Variants in YAF2 observed in about 807,000 individuals in gnomAD.
The protein encoded by YAF2 is YY1-associated factor 2.
YAF2 carries 7 observed loss-of-function variants against 20.1 expected under a neutral mutation model. The observed-to-expected ratio is 0.35, with a 90% confidence interval of 0.20 to 0.65. YAF2 has a LOEUF of 0.65. Among genes scored for constraint, YAF2 ranks in the 30% least tolerant of loss-of-function variants. YAF2 has a pLI of 0.69. For synonymous variants in YAF2, 74 were observed against 76.0 expected (o/e 0.97, Z 0.14); for missense variants, 151 against 219.2 (o/e 0.69, Z 1.96).
Position 42,166,829 on chromosome 12 carries a change from T to TA in YAF2, c.153-5065dup, listed in dbSNP as rs377527943. ...ATTCTCAAATGTGTTCAATGAAAGT[T>TA]AAAAAAAAAAAAAAGGAGGGCAAAG... On this transcript the variant is annotated intron_variant, in intron 2 of 3. Coordinates refer to ENST00000534854, the MANE Select transcript of YAF2 (RefSeq NM_005748.6). Among the ~76,000 whole-genome samples the TA allele has an allele frequency of 6.5e-3, 896 of 137,866 alleles. 4 individuals are homozygous for TA. The highest frequency in any genetic ancestry group is 0.019 in the African/African-American group (737 of 37,846). 90.4% of individuals were successfully genotyped at this position (137,866 alleles called of 152,430 possible). A position where few individuals can be genotyped will look rare whatever the true frequency, so the allele number is the denominator to read the frequency against.
intron 2 of YAF2, among the ~76,000 whole-genome samples, chr12:42,170,215 AAT>A (rs2066012629): frequency 6.6e-6 from 1 of 152,036 alleles, no homozygotes. Context: ...ATTACACCAT[AAT>A]TGTAGGTATG....
At chr12:42,237,933 G>C in intron 1 of YAF2, 1 of 441,176 alleles carries the variant, frequency 2.3e-6, no homozygotes, top group Non-Finnish European at 3.1e-6. Flanking sequence ...CGCCGCCACA[G>C]CCGCTCTGAC....
intron 2 of YAF2, among the ~76,000 whole-genome samples, chr12:42,224,093 GCA>G (rs1416046106): frequency 6.6e-6 from 1 of 152,036 alleles, no homozygotes; most frequent in African/African-American, 2.4e-5. Flanking sequence ...TTTCATATAA[GCA>G]CAGCCTTCTC....
chr12:42,171,113 C>T (rs2066036398), intron 2 of YAF2, among the ~76,000 whole-genome samples: 1 of 152,260 alleles, frequency 6.6e-6, no homozygotes, highest in African/African-American at 2.4e-5. Context: ...CTGCCTCAGC[C>T]TCCCAAGTAG....
rs2065774641 is a variant in YAF2, at chr12:42,160,486, T to C, written c.*103A>G. The C allele has an allele frequency of 2.4e-6, 2 of 838,498 alleles. No homozygotes were observed. The highest frequency in any genetic ancestry group is 3.7e-6 in the Non-Finnish European group (2 of 533,488). The allele number at this position is 838,498 out of a possible 1,614,324, so 51.9% of individuals were successfully genotyped here. On this transcript the variant is annotated 3_prime_UTR_variant, in exon 4 of 4. Transcript: ENST00000534854. Reference sequence around the variant, plus strand: ...TTTTATGTAAAACTCAAATTATGGATTGTGCATGAATGTATCTGTCATGAA... The same window carrying C: ...TTTTATGTAAAACTCAAATTATGGACTGTGCATGAATGTATCTGTCATGAA...
At chr12:42,165,378 A>T (rs1219659566) in intron 2 of YAF2, among the ~76,000 whole-genome samples, 1 of 152,208 alleles carries the variant, frequency 6.6e-6, no homozygotes, top group African/African-American at 2.4e-5. Flanking sequence ...TTAAGACTTT[A>T]AAAGAGAGTA....
chr12:42,231,372 T>C (rs2137416156), intron 2 of YAF2: 1 of 152,336 alleles, frequency 6.6e-6, no homozygotes, highest in South Asian at 2.1e-4. Flanking sequence ...ATTCAATTTG[T>C]TGCAATATGT....
intron 2 of YAF2, among the ~76,000 whole-genome samples, chr12:42,181,671 GT>G (rs2137050451): frequency 6.6e-6 from 1 of 152,240 alleles, no homozygotes; most frequent in East Asian, 1.9e-4. Flanking sequence ...CATAAAAATT[GT>G]TTTAACTCAT....
At chr12:42,202,918 T>A (rs1293144585) in intron 2 of YAF2, among the ~76,000 whole-genome samples, 3 of 152,150 alleles carry the variant, frequency 2.0e-5, no homozygotes, top group Non-Finnish European at 4.4e-5. Context: ...ATTACAGGCA[T>A]GAGCCACCAT....
chr12:42,203,999 T>A (rs1402021682), intron 2 of YAF2, among the ~76,000 whole-genome samples: 3 of 152,140 alleles, frequency 2.0e-5, no homozygotes, highest in African/African-American at 7.2e-5. Flanking sequence ...TGCAGTACAC[T>A]ATGATCATGC....
chr12:42,161,872 C>A, intron 2 of YAF2, 107 bp from the exon 3 acceptor site: 1 of 1,033,590 alleles, frequency 9.7e-7, no homozygotes. Flanking sequence ...CAATAACTTT[C>A]AAGTATAAAA....
chr12:42,176,538 T>C (rs568572007), intron 2 of YAF2, among the ~76,000 whole-genome samples: 56 of 152,312 alleles, frequency 3.7e-4, no homozygotes, highest in African/African-American at 1.3e-3. Context: ...TTAGAAGCAG[T>C]ATTTATTCCG....
intron 2 of YAF2, among the ~76,000 whole-genome samples, chr12:42,230,040 C>T (rs1374510404): frequency 3.3e-5 from 5 of 152,082 alleles, no homozygotes; most frequent in Admixed American, 3.3e-4. Flanking sequence ...AGGCGGATCA[C>T]GAGGTCAGGA....
rs1167937642 is a variant in YAF2 at position 42,160,548 on chromosome 12, T to C, written c.*41A>G. 1.3e-6 allele frequency: 2 copies of C among 1,491,300 alleles called. No homozygotes were observed. Among genetic ancestry groups the C allele is most frequent in the South Asian group, 1.2e-5 (1 of 85,894 alleles). 92.4% of individuals were successfully genotyped at this position (1,491,300 alleles called of 1,614,324 possible). On this transcript the variant is annotated 3_prime_UTR_variant, in exon 4 of 4. Transcript: ENST00000534854. The stretch of plus-strand genomic sequence containing the variant: ...TCTTGGCATAATCTGTGTATTTGCA[T>C]GGTAGGACAGAAGTGACTAAGAAAT...
chr12:42,186,052 A>G (rs1369577408), intron 2 of YAF2, among the ~76,000 whole-genome samples: 1 of 151,760 alleles, frequency 6.6e-6, no homozygotes, highest in Non-Finnish European at 1.5e-5. Context: ...TTAGCTAGGC[A>G]TGGTGGTACA....
At position 42,157,559 on chromosome 12, in the gene YAF2, T is replaced by C. The variant is rs2065729505; in HGVS notation, c.*3030A>G. 6.6e-6 allele frequency: 1 copy of C among 152,150 alleles called. No homozygotes were observed. The highest frequency in any genetic ancestry group is 1.5e-5 in the Non-Finnish European group (1 of 68,030). 9.4% of individuals were successfully genotyped at this position (152,150 alleles called of 1,614,324 possible). A position where few individuals can be genotyped will look rare whatever the true frequency, so the allele number is the denominator to read the frequency against. On this transcript the variant is annotated 3_prime_UTR_variant, in exon 4 of 4. Transcript: ENST00000534854. ...ACCATTAATGCAGAGGCTACATTCT[T>C]TCAGTCTATAAGGATCTTTATCTAA...
At chr12:42,195,915 G>GGCA (rs1446977877) in intron 2 of YAF2, among the ~76,000 whole-genome samples, 5 of 151,994 alleles carry the variant, frequency 3.3e-5, no homozygotes, top group African/African-American at 7.2e-5. Context: ...GAGTTGCGGG[G>GGCA]GCAGAGACAG....
intron 2 of YAF2, among the ~76,000 whole-genome samples, chr12:42,190,970 T>C (rs1223862502): frequency 6.6e-6 from 1 of 152,114 alleles, no homozygotes; most frequent in Non-Finnish European, 1.5e-5. Context: ...AAATATAACC[T>C]ATTTTAAAAA....
At chr12:42,221,001 A>C (rs892129972) in intron 2 of YAF2, among the ~76,000 whole-genome samples, 15 of 152,228 alleles carry the variant, frequency 9.9e-5, no homozygotes, top group African/African-American at 3.6e-4. Flanking sequence ...TTGTTATAAA[A>C]GACATAAAAA....
Sources: gnomAD v4.1 joint callset for allele counts (sites outside exome capture counted in the v4.1 genomes callset) on GRCh38, gnomAD v4.1.1 for gene constraint, MANE v1.5 for transcripts, NCBI Gene and HGNC (gene_info 2026-07-23, HGNC 2026-07-21) for gene names.